The following NTRK2 variants were observed in gnomAD, a reference collection of about 807,000 sequenced individuals.
The protein encoded by NTRK2 is BDNF/NT-3 growth factors receptor.
Under a neutral mutation model 94.5 loss-of-function variants are expected in NTRK2, and 13 were observed. The observed-to-expected ratio is 0.14, with a 90% CI of 0.09 to 0.22. The LOEUF (loss-of-function observed/expected upper bound fraction) is 0.22. NTRK2 is among the 10% of genes least tolerant of loss of function. The pLI is 1.00. For missense variants in NTRK2, 639 were observed against 1,071.2 expected (o/e 0.60, Z 5.63); for synonymous variants, 372 against 407.4 (o/e 0.91, Z 1.05).
At chr9:85,020,075 C>G (rs927448711) in intron 17 of NTRK2, 131 bp from the exon 18 acceptor site, 2 of 947,660 alleles carry the variant, frequency 2.1e-6, no homozygotes, top group Non-Finnish European at 1.7e-6. Context: ...AGTCATATAT[C>G]CTTTATGTGT....
chr9:84,801,423 A>G (rs1428316592), intron 12 of NTRK2, among the ~76,000 whole-genome samples: 1 of 152,336 alleles, frequency 6.6e-6, no homozygotes, highest in Middle Eastern at 3.4e-3. Context: ...TCCCTGACTT[A>G]GGATGGTTCA....
chr9:84,929,885 T>A (rs2077963320), intron 14 of NTRK2, among the ~76,000 whole-genome samples: 1 of 152,154 alleles, frequency 6.6e-6, no homozygotes, highest in Non-Finnish European at 1.5e-5. Flanking sequence ...TTATTACAGT[T>A]GCTTATGTTG....
chr9:84,882,728 G>A (rs7027086), intron 14 of NTRK2, among the ~76,000 whole-genome samples: 278 of 151,706 alleles, frequency 1.8e-3, no homozygotes, highest in African/African-American at 4.6e-3. Flanking sequence ...GTGCGCGCGC[G>A]CGCGCATGTG....
intron 12 of NTRK2, among the ~76,000 whole-genome samples, chr9:84,780,859 G>A (rs1437736646): frequency 2.0e-5 from 3 of 152,194 alleles, no homozygotes; most frequent in African/African-American, 7.2e-5. Flanking sequence ...TATGAGCTAT[G>A]AAGTTTTCTG....
intron 12 of NTRK2, among the ~76,000 whole-genome samples, chr9:84,804,177 C>G (rs928238593): frequency 1.3e-5 from 2 of 152,100 alleles, no homozygotes; most frequent in Admixed American, 1.3e-4. Flanking sequence ...GATTTATCTT[C>G]CTGTTTTGGA....
intron 14 of NTRK2, among the ~76,000 whole-genome samples, chr9:84,927,719 C>T (rs1160995456): frequency 6.6e-6 from 1 of 152,054 alleles, no homozygotes; most frequent in Non-Finnish European, 1.5e-5. Context: ...CTCTTTGTTT[C>T]CTTAGTTTGA....
At chr9:84,817,588 T>G (rs1382274720) in intron 12 of NTRK2, among the ~76,000 whole-genome samples, 4 of 152,250 alleles carry the variant, frequency 2.6e-5, no homozygotes, top group Admixed American at 2.0e-4. Flanking sequence ...AGTTCTCATT[T>G]TGTTAATTCA....
At chr9:84,870,115 A>G (rs1281170082) in intron 14 of NTRK2, among the ~76,000 whole-genome samples, 1 of 133,594 alleles carries the variant, frequency 7.5e-6, no homozygotes, top group Admixed American at 8.1e-5. Flanking sequence ...ATATATATAT[A>G]TATATATATA....
intron 17 of NTRK2, among the ~76,000 whole-genome samples, chr9:84,976,996 T>C (rs541231343): frequency 5.9e-5 from 9 of 152,250 alleles, no homozygotes; most frequent in Non-Finnish European, 1.3e-4. Context: ...ATTCTTATTA[T>C]TCACAGTGGT....
intron 14 of NTRK2, among the ~76,000 whole-genome samples, chr9:84,893,530 G>C (rs1053837341): frequency 5.9e-5 from 9 of 152,162 alleles, no homozygotes; most frequent in Admixed American, 2.0e-4. Context: ...TGGCAGTGTA[G>C]ATGTGGACGT....
rs557089000 is a variant in NTRK2 at position 84,808,770 on chromosome 9, G to A, written c.1397-52270G>A. Among the ~76,000 whole-genome samples, 8 of 152,266 alleles carry A rather than the reference G, an allele frequency of 5.3e-5. 2 individuals are homozygous for A. The South Asian group carries it at 1.7e-3, about 32-fold the overall frequency. On this transcript the variant is annotated intron_variant, in intron 12 of 18. Transcript: ENST00000277120. ...TTTGGCATCTGTACTGAGTTCTTTT[G>A]GAAGGGCAGGAGGGAGAAATGCCAT...
chr9:84,756,962 G>A (rs2065137789), intron 12 of NTRK2, among the ~76,000 whole-genome samples: 2 of 152,138 alleles, frequency 1.3e-5, no homozygotes, highest in Non-Finnish European at 2.9e-5. Flanking sequence ...AAACATAGCG[G>A]GGCCAAAGCT....
At chr9:84,762,541 A>G (rs1310927172) in intron 12 of NTRK2, among the ~76,000 whole-genome samples, 1 of 152,220 alleles carries the variant, frequency 6.6e-6, no homozygotes, top group African/African-American at 2.4e-5. Context: ...TTATGTGCAT[A>G]TTATGTAATC....
intron 16 of NTRK2, among the ~76,000 whole-genome samples, chr9:84,950,118 T>A (rs2078728670): frequency 6.6e-6 from 1 of 152,194 alleles, no homozygotes. Flanking sequence ...AGGACTGAAC[T>A]AGAATAAGTA....
chr9:84,951,688 A>ACAGGCAGGTTGGAGG, intron 16 of NTRK2, among the ~76,000 whole-genome samples: 1 of 152,198 alleles, frequency 6.6e-6, no homozygotes, highest in African/African-American at 2.4e-5. Context: ...AGCAATTGGA[A>ACAGGCAGGTTGGAGG]ACCTAGCCTG....
chr9:84,827,733 G>T (rs2073278416), intron 12 of NTRK2, among the ~76,000 whole-genome samples: 1 of 151,522 alleles, frequency 6.6e-6, no homozygotes, highest in South Asian at 2.1e-4. Flanking sequence ...ATTGCAAGCT[G>T]CCAATGCTTA....
At chr9:85,005,376 C>G (rs944620300) in intron 17 of NTRK2, among the ~76,000 whole-genome samples, 4 of 152,136 alleles carry the variant, frequency 2.6e-5, no homozygotes, top group Non-Finnish European at 5.9e-5. Context: ...CATCTTGGAC[C>G]CTGATTCTGA....
intron 17 of NTRK2, among the ~76,000 whole-genome samples, chr9:84,986,646 G>GAAAAGTGTCA (rs1828347526): frequency 6.6e-6 from 1 of 152,156 alleles, no homozygotes; most frequent in African/African-American, 2.4e-5. Context: ...TTACAATATT[G>GAAAAGTGTCA]AAAAGTGTCA....
At chr9:84,692,512 C>G (rs1453499645) in intron 2 of NTRK2, among the ~76,000 whole-genome samples, 1 of 146,320 alleles carries the variant, frequency 6.8e-6, no homozygotes, top group Non-Finnish European at 1.5e-5. Flanking sequence ...ACTTTGCCTC[C>G]CAGGCTGGAA....
Sources: allele counts gnomAD v4.1 joint callset (sites outside exome capture counted in the v4.1 genomes callset), GRCh38; gene constraint gnomAD v4.1.1; transcripts MANE v1.5; gene names NCBI Gene and HGNC (gene_info 2026-07-23, HGNC 2026-07-21).